The following CDH12 variants were observed in gnomAD, a reference collection of about 807,000 sequenced individuals.
The protein encoded by CDH12 is cadherin-12.
A neutral mutation model predicts 74.1 loss-of-function variants in CDH12; 41 were observed. The ratio of observed to expected loss-of-function variants is 0.55; its 90% confidence interval spans 0.43 to 0.72. The LOEUF (loss-of-function observed/expected upper bound fraction) is 0.72, where lower values mean the gene tolerates loss of function less well. Among genes scored for constraint, CDH12 ranks in the 30% least tolerant of loss-of-function variants. CDH12 has a pLI of 0.00. For missense variants in CDH12, 945 were observed against 977.2 expected, an observed-to-expected ratio of 0.97 and a Z score of 0.44; for synonymous variants, 399 against 355.0, an observed-to-expected ratio of 1.12 and a Z score of -1.39.
In CDH12 at chr5:21,817,066, A is replaced by G. The variant is rs1748098637; in HGVS notation, c.881T>C (p.Val294Ala). 6.2e-7 allele frequency: 1 copy of G among 1,612,916 alleles called. No homozygotes were observed. Among genetic ancestry groups the G allele is most frequent in the Non-Finnish European group, 8.5e-7 (1 of 1,179,284 alleles). ...IGSAIGRIRA[V>A]DPDFGQNAEI... is the part of the protein sequence containing the mutation. ...TGCATTTTGTCCAAAATCAGGATCCACAGCTCTTATTCTTCCAATAGCTGA... is the reference window on the plus strand; with the variant it reads ...TGCATTTTGTCCAAAATCAGGATCCGCAGCTCTTATTCTTCCAATAGCTGA... The change falls in exon 9 of 15, where the codon GTG becomes GCG. Residue 294 changes from valine to alanine, a missense_variant. This residue lies in a region of CDH12 where 791 missense variants were observed against 792.8 expected (regional missense o/e 1.00). Coordinates refer to ENST00000382254, the MANE Select transcript of CDH12 (RefSeq NM_004061.5).
chr5:22,379,320 T>C (rs1741662667), intron 3 of CDH12, among the ~76,000 whole-genome samples: 1 of 152,156 alleles, frequency 6.6e-6, no homozygotes, highest in African/African-American at 2.4e-5. Flanking sequence ...GGTCAGTAGA[T>C]GGGGAAATGG....
chr5:22,190,592 T>C (rs1245900610), intron 4 of CDH12, among the ~76,000 whole-genome samples: 1 of 152,096 alleles, frequency 6.6e-6, no homozygotes, highest in Non-Finnish European at 1.5e-5. Flanking sequence ...AAGCCACAGA[T>C]GTTAGAATTT....
At chr5:21,800,451 G>C (rs7446950) in intron 10 of CDH12, among the ~76,000 whole-genome samples, 98,776 of 151,912 alleles carry the variant, frequency 0.65, 34,003 homozygotes, top group Non-Finnish European at 0.77. Context: ...GTAATTAGTT[G>C]ATCCGGATGG....
intron 6 of CDH12, among the ~76,000 whole-genome samples, chr5:21,898,518 C>T (rs905758345): frequency 6.6e-6 from 1 of 151,850 alleles, no homozygotes; most frequent in East Asian, 1.9e-4. Flanking sequence ...CTGGCTGACA[C>T]GGTGAAACCC....
chr5:22,821,115 C>G (rs1026313608), intron 1 of CDH12, among the ~76,000 whole-genome samples: 1 of 152,076 alleles, frequency 6.6e-6, no homozygotes, highest in Non-Finnish European at 1.5e-5. Flanking sequence ...AGCATATAAA[C>G]AGAACCAAAG....
intron 3 of CDH12, among the ~76,000 whole-genome samples, chr5:22,327,918 T>G (rs557963638): frequency 6.6e-6 from 1 of 152,220 alleles, no homozygotes; most frequent in East Asian, 1.9e-4. Flanking sequence ...TAAATGTAAA[T>G]GTATCATAGT....
At chr5:22,721,199 C>T (rs146900560) in intron 1 of CDH12, among the ~76,000 whole-genome samples, 57 of 152,340 alleles carry the variant, frequency 3.7e-4, no homozygotes, top group African/African-American at 1.4e-3. Flanking sequence ...ACTTAGTGCC[C>T]TGTGCCCCAG....
At chr5:21,773,737 C>T (rs1460913805) in intron 11 of CDH12, among the ~76,000 whole-genome samples, 2 of 152,152 alleles carry the variant, frequency 1.3e-5, no homozygotes, top group South Asian at 2.1e-4. Flanking sequence ...AATTCATCTA[C>T]TAAGGAATAT....
chr5:22,470,091 A>G (rs146175177), intron 2 of CDH12, among the ~76,000 whole-genome samples: 56 of 152,224 alleles, frequency 3.7e-4, no homozygotes, highest in African/African-American at 1.3e-3. Flanking sequence ...TGGTGTAGAA[A>G]CTTTTGTCTT....
At chr5:21,846,493 A>T (rs1007539561) in intron 7 of CDH12, among the ~76,000 whole-genome samples, 8 of 152,096 alleles carry the variant, frequency 5.3e-5, no homozygotes, top group African/African-American at 1.9e-4. Flanking sequence ...TGTTCTTAAT[A>T]CAGCTATGTT....
At chr5:22,266,150 A>G (rs1736093734) in intron 3 of CDH12, among the ~76,000 whole-genome samples, 1 of 151,792 alleles carries the variant, frequency 6.6e-6, no homozygotes, top group African/African-American at 2.4e-5. Flanking sequence ...ATCTCGGCTC[A>G]CTACAACCTC....
chr5:22,443,418 T>C (rs1231950121), intron 2 of CDH12, among the ~76,000 whole-genome samples: 1 of 152,134 alleles, frequency 6.6e-6, no homozygotes, highest in Non-Finnish European at 1.5e-5. Flanking sequence ...AATTTAAAAG[T>C]AGTATATCAA....
intron 10 of CDH12, 68 bp downstream of exon 10, chr5:21,802,099 C>A: frequency 7.1e-7 from 1 of 1,414,270 alleles, no homozygotes. Flanking sequence ...AGAATTGGTT[C>A]TCTGGTTTTT....
chr5:22,536,140 C>T (rs982947585), intron 1 of CDH12, among the ~76,000 whole-genome samples: 37 of 152,186 alleles, frequency 2.4e-4, no homozygotes, highest in African/African-American at 5.3e-4. Context: ...TCATGGATAC[C>T]GAGGAAAGAC....
intron 1 of CDH12, among the ~76,000 whole-genome samples, chr5:22,727,528 T>C (rs1744222210): frequency 6.6e-6 from 1 of 151,770 alleles, no homozygotes; most frequent in Non-Finnish European, 1.5e-5. Context: ...ATATAGTCAT[T>C]ACTCGTTTAG....
At chr5:22,519,050 A>T (rs192832461) in intron 1 of CDH12, among the ~76,000 whole-genome samples, 216 of 152,198 alleles carry the variant, frequency 1.4e-3, no homozygotes, top group Admixed American at 5.0e-3. Context: ...CATCCATGCC[A>T]CCAGAGAAAG....
At chr5:22,482,207 C>G (rs1746410182) in intron 2 of CDH12, among the ~76,000 whole-genome samples, 1 of 152,100 alleles carries the variant, frequency 6.6e-6, no homozygotes, top group African/African-American at 2.4e-5. Flanking sequence ...CGTCATATTT[C>G]AGATAAGAAA....
intron 5 of CDH12, among the ~76,000 whole-genome samples, chr5:22,003,157 T>C (rs1440706737): frequency 6.6e-6 from 1 of 152,022 alleles, no homozygotes; most frequent in Non-Finnish European, 1.5e-5. Context: ...ATTCTTGCCT[T>C]ATATAATATA....
At chr5:21,884,769 TAAAA>T (rs1242964154) in intron 6 of CDH12, among the ~76,000 whole-genome samples, 1 of 152,054 alleles carries the variant, frequency 6.6e-6, no homozygotes, top group African/African-American at 2.4e-5. Flanking sequence ...TTTGTTTAGT[TAAAA>T]AAAAGTGATG....
Sources: allele counts gnomAD v4.1 joint callset (sites outside exome capture counted in the v4.1 genomes callset), GRCh38; gene constraint gnomAD v4.1.1; regional missense constraint gnomAD v4.1.1; transcripts MANE v1.5; gene names NCBI Gene and HGNC (gene_info 2026-07-23, HGNC 2026-07-21).